Variants in CPNE5 observed in about 807,000 individuals in gnomAD.
CPNE5 encodes copine-5.
In CPNE5, 42 loss-of-function variants were observed where a neutral mutation model predicts 81.1. The observed-to-expected ratio is 0.52, with a 90% CI of 0.40 to 0.67. The LOEUF is 0.67. Among genes scored for constraint, CPNE5 ranks in the 30% least tolerant of loss-of-function variants. The pLI, the probability that CPNE5 is intolerant of heterozygous loss-of-function variation, is 0.00. For missense variants in CPNE5, 612 were observed against 815.5 expected (o/e 0.75, Z 3.04); for synonymous variants, 313 against 321.5 (o/e 0.97, Z 0.28).
At chr6:36,762,024 G>A (rs1432548405) in intron 12 of CPNE5, among the ~76,000 whole-genome samples, 2 of 152,154 alleles carry the variant, frequency 1.3e-5, no homozygotes, top group African/African-American at 4.8e-5. Context: ...GGCCAAGGCA[G>A]GAGGATCGCT....
chr6:36,812,475 T>C (rs1440882725), intron 3 of CPNE5, among the ~76,000 whole-genome samples: 2 of 152,154 alleles, frequency 1.3e-5, no homozygotes, highest in Non-Finnish European at 2.9e-5. Flanking sequence ...GATTCTGCCA[T>C]GTGGTCCCTA....
chr6:36,748,338 A>T, intron 14 of CPNE5, 71 bp from the exon 15 acceptor site: 2 of 1,368,768 alleles, frequency 1.5e-6, no homozygotes, highest in Non-Finnish European at 2.1e-6. Flanking sequence ...ACAGTGCTAG[A>T]CATTGGCTAC....
chr6:36,741,961 G>A lies in CPNE5; in HGVS notation c.*307C>T, dbSNP rs1763615205. 5.7e-6 allele frequency: 2 copies of A among 349,552 alleles called. No individual in the cohort carries two copies. The highest frequency in any genetic ancestry group is 1.0e-5 in the Non-Finnish European group (2 of 193,634). The allele number at this position is 349,552 out of a possible 1,614,324, so 21.7% of individuals were successfully genotyped here. On this transcript the variant is annotated 3_prime_UTR_variant, in exon 21 of 21. Transcript: ENST00000244751. ...ATAGGATTGCCGGGGGTGGGCGACA[G>A]GGACCCCAATCACCCTTATTGTTTA...
At chr6:36,822,966 T>C in intron 2 of CPNE5, 92 bp downstream of exon 2, 1 of 1,072,010 alleles carries the variant, frequency 9.3e-7, no homozygotes, top group Non-Finnish European at 1.3e-6. Context: ...TGGCACATGG[T>C]TAGTGCTCAG....
chr6:36,802,154 G>T, intron 3 of CPNE5, among the ~76,000 whole-genome samples: 1 of 145,570 alleles, frequency 6.9e-6, no homozygotes, highest in South Asian at 2.3e-4. Context: ...AGGAGGCGGA[G>T]GTTGCAGTGA....
chr6:36,833,275 A>G (rs1378369802), intron 1 of CPNE5, among the ~76,000 whole-genome samples: 1 of 152,216 alleles, frequency 6.6e-6, no homozygotes, highest in African/African-American at 2.4e-5. Context: ...AAGAGAAAAT[A>G]CTACTATCTA....
intron 1 of CPNE5, among the ~76,000 whole-genome samples, chr6:36,834,661 A>C (rs576425393): frequency 3.6e-4 from 55 of 152,180 alleles, no homozygotes; most frequent in African/African-American, 9.4e-4. Context: ...ATCTCAAAAA[A>C]AAAAAAAAAG....
intron 8 of CPNE5, among the ~76,000 whole-genome samples, chr6:36,782,038 G>A (rs1283124932): frequency 6.6e-6 from 1 of 152,174 alleles, no homozygotes; most frequent in Non-Finnish European, 1.5e-5. Flanking sequence ...CGTGGAATGG[G>A]ATGACCACCA....
intron 8 of CPNE5, among the ~76,000 whole-genome samples, chr6:36,788,200 T>A (rs898667252): frequency 2.7e-5 from 4 of 150,482 alleles, no homozygotes; most frequent in Non-Finnish European, 5.9e-5. Flanking sequence ...CCTGCTAATT[T>A]AAAAAAATTT....
At chr6:36,830,784 A>T (rs1445415040) in intron 1 of CPNE5, among the ~76,000 whole-genome samples, 1 of 152,102 alleles carries the variant, frequency 6.6e-6, no homozygotes, top group East Asian at 1.9e-4. Context: ...GTTGCTGTGA[A>T]GTCAACAGCT....
rs1173067513 is a variant in CPNE5, at chr6:36,763,886, G to T, written c.780-894C>A. On this transcript the variant is annotated intron_variant, in intron 11 of 20. Coordinates refer to ENST00000244751, the MANE Select transcript of CPNE5 (RefSeq NM_020939.2). ...GCGATGTCCAGCTGGGTGGCTGCAA[G>T]TGTTTTCTGCAGTGCCCACACCTTC... Among the ~76,000 whole-genome samples, 4 of 152,316 alleles carry T rather than the reference G, an allele frequency of 2.6e-5. No homozygotes were observed. The South Asian group carries it at 8.3e-4, about 32-fold the overall frequency.
chr6:36,768,225 C>CTTTTTTTTTGTTTTTTT (rs1766741995), intron 10 of CPNE5, among the ~76,000 whole-genome samples: 1 of 60,496 alleles, frequency 1.7e-5, no homozygotes, highest in East Asian at 5.8e-4. Context: ...ATTCACAGTT[C>CTTTTTTTTTGTTTTTTT]TTTTTTTTTT....
At chr6:36,756,326 G>A (rs936537782) in intron 12 of CPNE5, 28 bp from the exon 13 acceptor site, 2 of 1,608,816 alleles carry the variant, frequency 1.2e-6, no homozygotes, top group Non-Finnish European at 8.5e-7. Context: ...TACCAGGTAA[G>A]GCATGCTTCC....
chr6:36,762,883 A>G, intron 12 of CPNE5, 34 bp downstream of exon 12: 1 of 1,569,348 alleles, frequency 6.4e-7, no homozygotes, highest in Non-Finnish European at 8.8e-7. Context: ...GCCACTTAGT[A>G]GTGCAAACCC....
At chr6:36,757,854 G>A (rs887578842) in intron 12 of CPNE5, among the ~76,000 whole-genome samples, 1 of 152,202 alleles carries the variant, frequency 6.6e-6, no homozygotes, top group Non-Finnish European at 1.5e-5. Context: ...TGGGAGAAAT[G>A]AATAGAACCC....
intron 6 of CPNE5, among the ~76,000 whole-genome samples, chr6:36,796,542 C>T (rs1440570526): frequency 6.6e-6 from 1 of 152,236 alleles, no homozygotes; most frequent in Non-Finnish European, 1.5e-5. Flanking sequence ...GGGTATGCTA[C>T]ACTCAGCACA....
At position 36,746,753 on chromosome 6, in the gene CPNE5, C is replaced by T. The variant is rs775703618; in HGVS notation, c.1019-176G>A. Among the ~76,000 whole-genome samples, 3 of 152,028 alleles carry T rather than the reference C, an allele frequency of 2.0e-5. No homozygotes were observed. The highest frequency in any genetic ancestry group is 2.1e-4 in the South Asian group (1 of 4,830). Reference sequence around the variant, plus strand: ...CAAAACAGATCTAGAATCCCTCCTCCGCCTCTCCTCCTCCCCATACCACCA... The same window carrying T: ...CAAAACAGATCTAGAATCCCTCCTCTGCCTCTCCTCCTCCCCATACCACCA... On this transcript the variant is annotated intron_variant, in intron 15 of 20. Coordinates refer to ENST00000244751, the MANE Select transcript of CPNE5 (RefSeq NM_020939.2). The surrounding 1 kb of genome is among the most constrained non-coding windows in gnomAD (Gnocchi z 4.5).
intron 1 of CPNE5, among the ~76,000 whole-genome samples, chr6:36,834,937 C>T (rs968010282): frequency 6.6e-6 from 1 of 152,152 alleles, no homozygotes; most frequent in African/African-American, 2.4e-5. Flanking sequence ...TTCTGAGAGA[C>T]CCAGGGCACA....
rs187347619 is a variant in CPNE5, at chr6:36,797,655, A to G, written c.404+510T>C. On this transcript the variant is annotated intron_variant, in intron 6 of 20. Transcript: ENST00000244751. ...CTCATCCCAGAGCCCGCTTCAGAGTAACAGCTTTTCCCTAAAAGCAAATTA... is the reference window on the plus strand; with the variant it reads ...CTCATCCCAGAGCCCGCTTCAGAGTGACAGCTTTTCCCTAAAAGCAAATTA... Among the ~76,000 whole-genome samples the G allele has an allele frequency of 6.9e-4, 105 of 152,354 alleles. 2 individuals carry two copies. In the East Asian group the frequency reaches 0.019, roughly 28 times the overall value.
Sources: gnomAD v4.1 joint callset for allele counts (sites outside exome capture counted in the v4.1 genomes callset) on GRCh38, gnomAD v4.1.1 for gene constraint, Gnocchi (gnomAD v3.1) non-coding constraint, MANE v1.5 for transcripts, NCBI Gene and HGNC (gene_info 2026-07-23, HGNC 2026-07-21) for gene names.